CALML4: variants seen among roughly 807,000 people sequenced by gnomAD.
CALML4 encodes the protein calmodulin like 4, also known as calmodulin-like protein 4.
A neutral mutation model predicts 17.9 loss-of-function variants in CALML4; 16 were observed. That is an observed-to-expected ratio of 0.89 (90% CI 0.61 to 1.36). CALML4 has a LOEUF of 1.36. Among genes scored for constraint, CALML4 ranks in the 40% most tolerant of loss-of-function variants. The probability of loss-of-function intolerance (pLI) is 0.00; values close to 1 mark genes in which losing one functional copy is unlikely to be tolerated. For synonymous variants in CALML4, 86 were observed against 71.5 expected, an observed-to-expected ratio of 1.20 and a Z score of -1.02; for missense variants, 203 against 194.8, an observed-to-expected ratio of 1.04 and a Z score of -0.25.
In CALML4 at chr15:68,193,142, G is replaced by A. The variant is rs1004952119; in HGVS notation, c.*873C>T. 1 of 152,332 alleles carries A rather than the reference G, an allele frequency of 6.6e-6. No homozygotes were observed. The highest frequency in any genetic ancestry group is 1.5e-5 in the Non-Finnish European group (1 of 68,148). 9.4% of individuals were successfully genotyped at this position (152,332 alleles called of 1,614,324 possible). A position where few individuals can be genotyped will look rare whatever the true frequency, so the allele number is the denominator to read the frequency against. On this transcript the variant is annotated 3_prime_UTR_variant, in exon 5 of 5. Coordinates refer to ENST00000467889, the MANE Select transcript of CALML4 (RefSeq NM_033429.3). ...GGTGGCTTAAGGCAATGACCAGTGT[G>A]GGCCACTTGAGCAGACCATCCCGGA...
Position 68,205,210 on chromosome 15 carries a change from G to A in CALML4, c.3+35C>T. ...GCTCCACCTGAGGTTCACGCCCCCA[G>A]CCCTGGCCAGGCCGACACAGACCCT... is the stretch of plus-strand genomic sequence containing the variant. On this transcript the variant is annotated intron_variant, in intron 1 of 4. Transcript: ENST00000467889. This position sits in a 1 kb window ranked among gnomAD's most constrained non-coding sequence, Gnocchi z 4.8. 1 of 1,614,162 alleles carries A rather than the reference G, an allele frequency of 6.2e-7. No individual in the cohort carries two copies. The highest frequency in any genetic ancestry group is 1.3e-5 in the African/African-American group (1 of 75,050).
chr15:68,205,647 C>A, upstream of CALML4: 1 of 459,044 alleles, frequency 2.2e-6, no homozygotes, highest in South Asian at 2.2e-5. This position sits in a 1 kb window ranked among gnomAD's most constrained non-coding sequence, Gnocchi z 4.8. Context: ...CACTTTACAC[C>A]CCGGGTCGTA....
At chr15:68,199,154 ACT>A (rs2093156350) in intron 3 of CALML4, among the ~76,000 whole-genome samples, 1 of 150,770 alleles carries the variant, frequency 6.6e-6, no homozygotes, top group East Asian at 2.0e-4. Flanking sequence ...ACAGAGCAAG[ACT>A]CTGTCCCCCC....
chr15:68,197,340 G>A lies in CALML4; in HGVS notation c.364+100C>T, dbSNP rs1245039412. The A allele has an allele frequency of 5.2e-6, 6 of 1,147,350 alleles. No homozygotes were observed. The East Asian group carries it at 9.4e-5, about 18-fold the overall frequency. 71.1% of individuals were successfully genotyped at this position (1,147,350 alleles called of 1,614,324 possible). On this transcript the variant is annotated intron_variant, in intron 4 of 4. Coordinates refer to ENST00000467889, the MANE Select transcript of CALML4 (RefSeq NM_033429.3). This position sits in a 1 kb window ranked among gnomAD's most constrained non-coding sequence, Gnocchi z 4.1. Reference sequence around the variant, plus strand: ...GTCTCCTGCGCGCGCATCAACAGAGGTGGTCTGTACCACCCTGGTGGCATC... The same window carrying A: ...GTCTCCTGCGCGCGCATCAACAGAGATGGTCTGTACCACCCTGGTGGCATC...
intron 4 of CALML4, among the ~76,000 whole-genome samples, chr15:68,197,000 AG>A (rs1464931662): frequency 6.6e-6 from 1 of 152,156 alleles, no homozygotes; most frequent in Non-Finnish European, 1.5e-5. Context: ...GATGGGAAAA[AG>A]GGCAGGGATG....
In CALML4 at chr15:68,197,465, C is replaced by A. The variant is rs781329754; in HGVS notation, c.339G>T (p.Leu113=). 6.2e-7 allele frequency: 1 copy of A among 1,614,108 alleles called. No homozygotes were observed. Among genetic ancestry groups the A allele is most frequent in the Non-Finnish European group, 8.5e-7 (1 of 1,180,002 alleles). ...ASDLRSKLTS[L]GEKLTHKEVD... ...CTTCCTTGTGGGTGAGCTTCTCCCC[C>A]AGACTCGTGAGTTTTGACCGCAGGT... Residue 113 remains leucine, a synonymous_variant, in exon 4 of 5, where the codon CTG becomes CTT. Transcript: ENST00000467889. The surrounding 1 kb of genome is among the most constrained non-coding windows in gnomAD (Gnocchi z 4.1).
chr15:68,199,397 T>G, intron 3 of CALML4, 144 bp downstream of exon 3: 1 of 871,584 alleles, frequency 1.1e-6, no homozygotes, highest in Non-Finnish European at 1.7e-6. Flanking sequence ...GGTACGGCAC[T>G]CCTGGTCTGG....
rs2093161977 is a variant in CALML4, at chr15:68,200,467, C to A, written c.35-786G>T. Among the ~76,000 whole-genome samples, 1 of 152,218 alleles carries A rather than the reference C, an allele frequency of 6.6e-6. No individual in the cohort carries two copies. Among genetic ancestry groups the A allele is most frequent in the South Asian group, 2.1e-4 (1 of 4,832 alleles). On this transcript the variant is annotated intron_variant, in intron 2 of 4. Coordinates refer to ENST00000467889, the MANE Select transcript of CALML4 (RefSeq NM_033429.3). This position sits in a 1 kb window ranked among gnomAD's most constrained non-coding sequence, Gnocchi z 4.3. ...GGCAGCCGGAGCTAGCTCCCCTAAA[C>A]CCACAGACTCCCGGCCTGACACAGC...
In CALML4 at chr15:68,194,039, G is replaced by T; in HGVS notation, c.438C>A (p.Ile146=). The change falls in exon 5 of 5, where the codon ATC becomes ATA. Residue 146 remains isoleucine (I), a synonymous_variant. Coordinates refer to ENST00000467889, the MANE Select transcript of CALML4 (RefSeq NM_033429.3). ...TTCAATAGTCCCGTCCAGGAAGGGT[G>T]ATCTTGTGGATAAATTCATCATACT... is the stretch of plus-strand genomic sequence containing the variant. ...KVKYDEFIHK[I]TLPGRDY is the part of the protein sequence containing the mutation. The T allele has an allele frequency of 6.2e-7, 1 of 1,613,934 alleles. No homozygotes were observed. Among genetic ancestry groups the T allele is most frequent in the South Asian group, 1.1e-5 (1 of 91,078 alleles).
At chr15:68,196,762 TGAGGCAGGACA>T (rs2093146242) in intron 4 of CALML4, among the ~76,000 whole-genome samples, 1 of 152,122 alleles carries the variant, frequency 6.6e-6, no homozygotes, top group Non-Finnish European at 1.5e-5. Context: ...CGTCCTGCTC[TGAGGCAGGACA>T]GCCTGCTAGG....
chr15:68,199,569 C>T lies in CALML4; in HGVS notation c.147G>A (p.Val49=). ...TCCCGTGGGTCTGCAGGTGCCGCTG[C>T]ACCTCCCCTGGCGTCGGGCTGGCCC... ...CLGASPTPGE[V]QRHLQTHGID... is the part of the protein sequence containing the mutation. Residue 49 remains valine (V), a synonymous_variant, in exon 3 of 5, where the codon GTG becomes GTA. Coordinates refer to ENST00000467889, the MANE Select transcript of CALML4 (RefSeq NM_033429.3). 6.2e-7 allele frequency: 1 copy of T among 1,613,750 alleles called. No homozygotes were observed. The highest frequency in any genetic ancestry group is 8.5e-7 in the Non-Finnish European group (1 of 1,179,942).
At chr15:68,196,577 C>CT (rs2093145427) in intron 4 of CALML4, among the ~76,000 whole-genome samples, 1 of 152,210 alleles carries the variant, frequency 6.6e-6, no homozygotes, top group Non-Finnish European at 1.5e-5. Flanking sequence ...ACCCCAGGCT[C>CT]TAAGGTCGGG....
chr15:68,202,509 G>A (rs1045923650), intron 2 of CALML4, among the ~76,000 whole-genome samples: 5 of 152,148 alleles, frequency 3.3e-5, no homozygotes, highest in Admixed American at 6.5e-5. Context: ...AGGAGACAGA[G>A]GTGGGAGAAT....
At chr15:68,196,493 T>C (rs1158982802) in intron 4 of CALML4, among the ~76,000 whole-genome samples, 2 of 152,224 alleles carry the variant, frequency 1.3e-5, no homozygotes, top group Non-Finnish European at 2.9e-5. Flanking sequence ...TTGAAGCCTC[T>C]TTCCAGCACC....
intron 4 of CALML4, among the ~76,000 whole-genome samples, chr15:68,194,384 CT>C (rs56240648): frequency 0.49 from 69,027 of 140,962 alleles, 16,984 homozygotes; most frequent in Middle Eastern, 0.56. Flanking sequence ...CCACCGTGTG[CT>C]TTTTTTTTTT....
intron 3 of CALML4, 52 bp downstream of exon 3, chr15:68,199,489 C>T (rs1172319161): frequency 5.7e-6 from 9 of 1,569,874 alleles, no homozygotes; most frequent in Non-Finnish European, 7.8e-6. Context: ...CTACTGTCTG[C>T]ACCCACCTGC....
At position 68,197,784 on chromosome 15, in the gene CALML4, C is replaced by T. The variant is rs566593155; in HGVS notation, c.176-156G>A. 8 of 634,410 alleles carry T rather than the reference C, an allele frequency of 1.3e-5. No individual in the cohort carries two copies. The African/African-American group carries it at 1.5e-4, about 12-fold the overall frequency. The allele number at this position is 634,410 out of a possible 1,614,324, so 39.3% of individuals were successfully genotyped here. A position where few individuals can be genotyped will look rare whatever the true frequency, so the allele number is the denominator to read the frequency against. ...TCACAGTGAAGAGGATGCATCCCCTCCCACCGAGTTCCCACGACAGGCCCC... is the reference window on the plus strand; with the variant it reads ...TCACAGTGAAGAGGATGCATCCCCTTCCACCGAGTTCCCACGACAGGCCCC... On this transcript the variant is annotated intron_variant, in intron 3 of 4. Coordinates refer to ENST00000467889, the MANE Select transcript of CALML4 (RefSeq NM_033429.3). The surrounding 1 kb of genome is among the most constrained non-coding windows in gnomAD (Gnocchi z 4.1).
Position 68,205,316 on chromosome 15 carries a change from C to A in CALML4, c.-69G>T. The A allele has an allele frequency of 6.2e-7, 1 of 1,614,156 alleles. No homozygotes were observed. Among genetic ancestry groups the A allele is most frequent in the Non-Finnish European group, 8.5e-7 (1 of 1,180,038 alleles). The stretch of plus-strand genomic sequence containing the variant: ...CCGCGTTCAGTTCCCTTTCCTCCAG[C>A]CTCAAGTCTAAAGTCTGCCAAGCTG... On this transcript the variant is annotated 5_prime_UTR_variant, in exon 1 of 5. Coordinates refer to ENST00000467889, the MANE Select transcript of CALML4 (RefSeq NM_033429.3). The surrounding 1 kb of genome is among the most constrained non-coding windows in gnomAD (Gnocchi z 4.8).
Position 68,197,465 on chromosome 15 carries a change from C to T in CALML4, c.339G>A (p.Leu113=). The change falls in exon 4 of 5, where the codon CTG becomes CTA. Residue 113 remains leucine (L), a synonymous_variant. Transcript: ENST00000467889. This position sits in a 1 kb window ranked among gnomAD's most constrained non-coding sequence, Gnocchi z 4.1. ...CTTCCTTGTGGGTGAGCTTCTCCCC[C>T]AGACTCGTGAGTTTTGACCGCAGGT... ...ASDLRSKLTS[L]GEKLTHKEVD... The T allele has an allele frequency of 6.2e-7, 1 of 1,614,108 alleles. No individual in the cohort carries two copies. Among genetic ancestry groups the T allele is most frequent in the Middle Eastern group, 1.7e-4 (1 of 6,056 alleles).
Sources: gnomAD v4.1 joint callset for allele counts (sites outside exome capture counted in the v4.1 genomes callset) on GRCh38, gnomAD v4.1.1 for gene constraint, Gnocchi (gnomAD v3.1) non-coding constraint, MANE v1.5 for transcripts, NCBI Gene and HGNC (gene_info 2026-07-23, HGNC 2026-07-21) for gene names.